The following MYO16 variants were observed in gnomAD, a reference collection of about 807,000 sequenced individuals.
MYO16 encodes unconventional myosin-XVI.
Under a neutral mutation model 205.3 loss-of-function variants are expected in MYO16, and 94 were observed. That is an observed-to-expected ratio of 0.46 (90% CI 0.39 to 0.54). MYO16 has a LOEUF of 0.54. Among genes scored for constraint, MYO16 ranks in the 20% least tolerant of loss-of-function variants. MYO16 has a pLI of 0.00. For synonymous variants in MYO16, 988 were observed against 954.0 expected, an observed-to-expected ratio of 1.04 and a Z score of -0.66; for missense variants, 2,315 against 2,387.5, an observed-to-expected ratio of 0.97 and a Z score of 0.63.
intron 7 of MYO16, among the ~76,000 whole-genome samples, chr13:108,817,230 T>G (rs934697314): frequency 6.6e-6 from 1 of 152,174 alleles, no homozygotes; most frequent in Non-Finnish European, 1.5e-5. Flanking sequence ...TTGACTGAAA[T>G]GACATATGTC....
chr13:109,044,935 AC>A (rs1886991895), intron 23 of MYO16, among the ~76,000 whole-genome samples: 1 of 152,034 alleles, frequency 6.6e-6, no homozygotes, highest in Non-Finnish European at 1.5e-5. Context: ...TGATCTGTCC[AC>A]CTTGGCCTCC....
At chr13:108,522,790 GTGTC>G in the MYO16 span, among the ~76,000 whole-genome samples, 2 of 152,036 alleles carry the variant, frequency 1.3e-5, no homozygotes, top group African/African-American at 4.8e-5. Flanking sequence ...GTGTGTCTGT[GTGTC>G]TGTCTGTCTC....
At chr13:109,173,968 G>C (rs1261046906) in intron 33 of MYO16, among the ~76,000 whole-genome samples, 2 of 145,912 alleles carry the variant, frequency 1.4e-5, no homozygotes, top group Non-Finnish European at 3.0e-5. Context: ...ACTCTCTGCT[G>C]TTTTGGAAAA....
Position 108,888,609 on chromosome 13 carries a change from T to C in MYO16, c.1659+132T>C, listed in dbSNP as rs1880013869. ...TTTGTGGAAATAAAGAATAAAAAATTATTGAGCTTGGGTTCAAATAAATAC... is the reference window on the plus strand; with the variant it reads ...TTTGTGGAAATAAAGAATAAAAAATCATTGAGCTTGGGTTCAAATAAATAC... On this transcript the variant is annotated intron_variant, in intron 14 of 34. Transcript: ENST00000457511. 4.1e-6 allele frequency: 2 copies of C among 491,176 alleles called. 1 individual carries two copies. The highest frequency in any genetic ancestry group is 7.2e-6 in the Non-Finnish European group (2 of 276,424). The allele number at this position is 491,176 out of a possible 1,614,324, so 30.4% of individuals were successfully genotyped here. A position where few individuals can be genotyped will look rare whatever the true frequency, so the allele number is the denominator to read the frequency against.
chr13:108,800,749 C>T (rs1411099085), intron 6 of MYO16, among the ~76,000 whole-genome samples: 2 of 152,090 alleles, frequency 1.3e-5, no homozygotes, highest in Non-Finnish European at 2.9e-5. Context: ...TAGCATTAGC[C>T]TCAGCATGAT....
At chr13:108,631,457 G>A (rs1386744094) in intron 1 of MYO16, among the ~76,000 whole-genome samples, 4 of 152,152 alleles carry the variant, frequency 2.6e-5, no homozygotes, top group African/African-American at 9.7e-5. Context: ...TCAGAAAATT[G>A]GTGATGTCAA....
At chr13:109,204,691 T>C (rs1880528785) in intron 34 of MYO16, among the ~76,000 whole-genome samples, 1 of 152,190 alleles carries the variant, frequency 6.6e-6, no homozygotes, top group Admixed American at 6.5e-5. Context: ...TTATAGATGA[T>C]GCGAACAAAT....
intron 2 of MYO16, among the ~76,000 whole-genome samples, chr13:108,673,184 TAGAGA>T (rs1185640751): frequency 3.3e-5 from 5 of 152,250 alleles, no homozygotes; most frequent in African/African-American, 1.2e-4. Context: ...GTGGTATAGT[TAGAGA>T]AACTTATCTT....
intron 4 of MYO16, among the ~76,000 whole-genome samples, chr13:108,749,436 C>G (rs920694404): frequency 6.6e-6 from 1 of 152,092 alleles, no homozygotes; most frequent in Admixed American, 6.6e-5. Context: ...AAACAAACAA[C>G]CCAAATAAGA....
At chr13:108,779,402 T>A (rs1886227871) in intron 4 of MYO16, 2 of 152,342 alleles carry the variant, frequency 1.3e-5, no homozygotes, top group South Asian at 4.1e-4. Context: ...AATGCAGGAA[T>A]AGCAGATTCA....
intron 9 of MYO16, among the ~76,000 whole-genome samples, chr13:108,838,092 C>A (rs1024451923): frequency 6.6e-6 from 1 of 152,118 alleles, no homozygotes; most frequent in Admixed American, 6.5e-5. Flanking sequence ...GGTAAGCACA[C>A]AGGTTCTGGA....
At chr13:109,195,551 C>G (rs1162371936) in intron 34 of MYO16, among the ~76,000 whole-genome samples, 2 of 152,052 alleles carry the variant, frequency 1.3e-5, no homozygotes, top group South Asian at 2.1e-4. Flanking sequence ...CATTTTTCAA[C>G]ATTTTTTATT....
chr13:108,752,737 G>T (rs1028359335), intron 4 of MYO16, among the ~76,000 whole-genome samples: 1 of 148,202 alleles, frequency 6.7e-6, no homozygotes, highest in Non-Finnish European at 1.5e-5. Context: ...TGCCGCCGGG[G>T]TTCAAGTGAT....
At chr13:108,719,347 G>A (rs898636981) in intron 3 of MYO16, among the ~76,000 whole-genome samples, 2 of 152,094 alleles carry the variant, frequency 1.3e-5, no homozygotes, top group Non-Finnish European at 2.9e-5. Flanking sequence ...CTTTCTTTAA[G>A]CAACCCTAAT....
chr13:108,940,540 A>G (rs188060671), intron 16 of MYO16, among the ~76,000 whole-genome samples: 9 of 152,350 alleles, frequency 5.9e-5, no homozygotes, highest in East Asian at 3.9e-4. Context: ...GAATTCTTCA[A>G]ACATTATTAG....
intron 16 of MYO16, among the ~76,000 whole-genome samples, chr13:108,926,215 C>T (rs1032106570): frequency 6.6e-6 from 1 of 152,188 alleles, no homozygotes; most frequent in Non-Finnish European, 1.5e-5. Context: ...TCTAGAAGAC[C>T]AGCCATCCAA....
chr13:109,062,502 G>A (rs7338562), intron 27 of MYO16, among the ~76,000 whole-genome samples: 88,117 of 151,958 alleles, frequency 0.58, 25,568 homozygotes, highest in Admixed American at 0.6. Flanking sequence ...TTTATTTGAA[G>A]TAAGATGTGA....
At chr13:108,735,822 A>G (rs1368611920) in intron 4 of MYO16, among the ~76,000 whole-genome samples, 1 of 151,608 alleles carries the variant, frequency 6.6e-6, no homozygotes, top group Non-Finnish European at 1.5e-5. Context: ...CTGACTTTTT[A>G]ATGATCACCA....
intron 27 of MYO16, among the ~76,000 whole-genome samples, chr13:109,094,940 C>A (rs77611358): frequency 6.6e-6 from 1 of 151,824 alleles, no homozygotes; most frequent in East Asian, 1.9e-4. Context: ...CTTTTTAATT[C>A]TAGCTCTCTC....
Sources: gnomAD v4.1 joint callset for allele counts (sites outside exome capture counted in the v4.1 genomes callset) on GRCh38, gnomAD v4.1.1 for gene constraint, MANE v1.5 for transcripts, NCBI Gene and HGNC (gene_info 2026-07-23, HGNC 2026-07-21) for gene names.